MCC: variants seen among roughly 807,000 people sequenced by gnomAD.
The protein encoded by MCC is MCC regulator of Wnt signaling pathway, also known as colorectal mutant cancer protein.
MCC carries 90 observed loss-of-function variants against 116.2 expected under a neutral mutation model. The ratio of observed to expected loss-of-function variants is 0.77; its 90% confidence interval spans 0.65 to 0.92. The LOEUF is 0.92. Among genes scored for constraint, MCC ranks in the 40% least tolerant of loss-of-function variants. MCC has a pLI of 0.00. For synonymous variants in MCC, 578 were observed against 510.5 expected, an observed-to-expected ratio of 1.13 and a Z score of -1.78; for missense variants, 1,516 against 1,312.2, an observed-to-expected ratio of 1.16 and a Z score of -2.40.
intron 3 of MCC, chr5:113,294,253 G>C: frequency 6.3e-7 from 1 of 1,595,400 alleles, no homozygotes. Context: ...GGGCTGTGGG[G>C]AGGTCGAGGG....
chr5:113,460,618 G>A (rs1455715121), intron 1 of MCC, among the ~76,000 whole-genome samples: 1 of 152,196 alleles, frequency 6.6e-6, no homozygotes, highest in Admixed American at 6.5e-5. Flanking sequence ...TGTACGCTGT[G>A]TGCCTTGTGC....
At chr5:113,386,006 A>G (rs1317572595) in intron 1 of MCC, among the ~76,000 whole-genome samples, 1 of 152,134 alleles carries the variant, frequency 6.6e-6, no homozygotes, top group Non-Finnish European at 1.5e-5. Context: ...AAGAACAATA[A>G]CCCTATGCTG....
intron 17 of MCC, among the ~76,000 whole-genome samples, chr5:113,042,625 T>C (rs1290860203): frequency 1.3e-5 from 2 of 151,824 alleles, no homozygotes; most frequent in African/African-American, 4.8e-5. Flanking sequence ...AATAAATTAG[T>C]GAGCTGGAAA....
chr5:113,111,076 G>C (rs1757065757), intron 6 of MCC, among the ~76,000 whole-genome samples: 1 of 152,158 alleles, frequency 6.6e-6, no homozygotes, highest in Admixed American at 6.5e-5. Context: ...CCTGATAAGA[G>C]CTCAATAATA....
At chr5:113,132,497 C>T (rs1383946073) in intron 5 of MCC, among the ~76,000 whole-genome samples, 1 of 142,010 alleles carries the variant, frequency 7.0e-6, no homozygotes, top group Non-Finnish European at 1.5e-5. Context: ...TATATACAAG[C>T]AAGAAAATAT....
rs1056415252 is a variant in MCC, at chr5:113,070,248, C to T, written c.1925+846G>A. Reference sequence around the variant, plus strand: ...AACTTTTTAGAGGATGCTAAGTGTACGATACAGTCAACTACTCTGAGGCCT... The same window carrying T: ...AACTTTTTAGAGGATGCTAAGTGTATGATACAGTCAACTACTCTGAGGCCT... On this transcript the variant is annotated intron_variant, in intron 12 of 18. Transcript: ENST00000408903. Among the ~76,000 whole-genome samples, 6 of 152,276 alleles carry T rather than the reference C, an allele frequency of 3.9e-5. No homozygotes were observed. The South Asian group carries it at 6.2e-4, about 16-fold the overall frequency.
At chr5:113,299,604 G>C (rs78230356) in intron 3 of MCC, among the ~76,000 whole-genome samples, 3,155 of 152,256 alleles carry the variant, frequency 0.021, 35 homozygotes, top group Middle Eastern at 0.027. Flanking sequence ...CCCCAAGTAG[G>C]TTTCAGGCTA....
intron 13 of MCC, 59 bp downstream of exon 13, chr5:113,068,021 G>C: frequency 2.1e-6 from 3 of 1,432,184 alleles, no homozygotes; most frequent in Non-Finnish European, 3.0e-6. Flanking sequence ...CTGAGACAGG[G>C]GCAGAAGCAA....
chr5:113,413,131 A>G (rs1355246148), intron 1 of MCC, among the ~76,000 whole-genome samples: 1 of 152,128 alleles, frequency 6.6e-6, no homozygotes, highest in African/African-American at 2.4e-5. Flanking sequence ...CCACTTGATC[A>G]TGGTGGATAA....
At chr5:113,042,238 A>C (rs1202607650) in intron 17 of MCC, among the ~76,000 whole-genome samples, 1 of 151,166 alleles carries the variant, frequency 6.6e-6, no homozygotes, top group Admixed American at 6.6e-5. Flanking sequence ...TTGGGAGGCC[A>C]AGATGGGAAG....
At chr5:113,482,287 G>A (rs168365) in intron 1 of MCC, among the ~76,000 whole-genome samples, 104,793 of 152,106 alleles carry the variant, frequency 0.69, 36,512 homozygotes, top group East Asian at 0.88. Context: ...GAGTAGCATT[G>A]CTGGGGTCAT....
chr5:113,074,510 T>C (rs1754277978), intron 11 of MCC, among the ~76,000 whole-genome samples: 1 of 152,086 alleles, frequency 6.6e-6, no homozygotes, highest in African/African-American at 2.4e-5. Context: ...TCGCCAGCAA[T>C]GGAACAAAGC....
intron 3 of MCC, among the ~76,000 whole-genome samples, chr5:113,274,758 G>T (rs1382531725): frequency 6.6e-6 from 1 of 152,122 alleles, no homozygotes; most frequent in African/African-American, 2.4e-5. Context: ...ACAATCCTTT[G>T]GTGGGTCTAA....
At chr5:113,429,876 G>A (rs1770580505) in intron 1 of MCC, among the ~76,000 whole-genome samples, 1 of 152,184 alleles carries the variant, frequency 6.6e-6, no homozygotes, top group African/African-American at 2.4e-5. Flanking sequence ...GCAACATATA[G>A]AAGTAAAACG....
chr5:113,453,752 G>A (rs893522967), intron 1 of MCC, among the ~76,000 whole-genome samples: 1 of 152,162 alleles, frequency 6.6e-6, no homozygotes. Context: ...ATCCTGTTTG[G>A]TATTTAGTCA....
chr5:113,164,832 T>C (rs1238414984), intron 3 of MCC, among the ~76,000 whole-genome samples: 2 of 152,218 alleles, frequency 1.3e-5, no homozygotes, highest in South Asian at 2.1e-4. Context: ...AGATGGTTTA[T>C]AGCAGTGCTG....
At chr5:113,111,650 A>G (rs547562084) in intron 6 of MCC, among the ~76,000 whole-genome samples, 65 of 152,354 alleles carry the variant, frequency 4.3e-4, no homozygotes, top group African/African-American at 1.4e-3. Flanking sequence ...GTGACCACAA[A>G]TACACTACAG....
intron 8 of MCC, among the ~76,000 whole-genome samples, chr5:113,097,133 C>T (rs1020036675): frequency 3.3e-5 from 5 of 152,104 alleles, no homozygotes; most frequent in Admixed American, 6.6e-5. Context: ...AAAAAGAAGA[C>T]TCAGCTTATA....
In MCC at chr5:113,071,083, T is replaced by C. The variant is rs1344940292; in HGVS notation, c.1925+11A>G. 3 of 1,599,166 alleles carry C rather than the reference T, an allele frequency of 1.9e-6. No homozygotes were observed. Among genetic ancestry groups the C allele is most frequent in the Admixed American group, 1.7e-5 (1 of 58,506 alleles). ...CCTGAAGTAGCTCCAAACATCCCAG[T>C]GTGTGCCTACCTGTACTGCAAGGCC... On this transcript the variant is annotated intron_variant, in intron 12 of 18. Transcript: ENST00000408903.
Sources: allele counts gnomAD v4.1 joint callset (sites outside exome capture counted in the v4.1 genomes callset), GRCh38; gene constraint gnomAD v4.1.1; transcripts MANE v1.5; gene names NCBI Gene and HGNC (gene_info 2026-07-23, HGNC 2026-07-21).